Variants in INO80D observed in about 807,000 individuals in gnomAD.
INO80D encodes INO80 complex subunit D.
Under a neutral mutation model 87.6 loss-of-function variants are expected in INO80D, and 21 were observed. That is an observed-to-expected ratio of 0.24 (90% CI 0.17 to 0.35). The LOEUF is 0.35. INO80D is among the 10% of genes least tolerant of loss of function. INO80D has a pLI of 1.00. For missense variants in INO80D, 982 were observed against 1,280.7 expected, an observed-to-expected ratio of 0.77 and a Z score of 3.56; for synonymous variants, 440 against 491.0, an observed-to-expected ratio of 0.90 and a Z score of 1.37.
intron 4 of INO80D, among the ~76,000 whole-genome samples, chr2:206,052,386 G>A (rs1689397564): frequency 1.3e-5 from 2 of 152,008 alleles, no homozygotes; most frequent in East Asian, 3.9e-4. Flanking sequence ...GTAGAGACGG[G>A]GTTTCACCAT....
intron 7 of INO80D, among the ~76,000 whole-genome samples, chr2:206,018,584 C>T (rs1478981786): frequency 1.3e-5 from 2 of 152,176 alleles, no homozygotes; most frequent in Non-Finnish European, 2.9e-5. Context: ...CTTCCAGCAA[C>T]AAACTCAAAC....
At chr2:206,043,923 C>A (rs539776287) in intron 5 of INO80D, among the ~76,000 whole-genome samples, 1 of 152,234 alleles carries the variant, frequency 6.6e-6, no homozygotes, top group South Asian at 2.1e-4. Flanking sequence ...CAGGCATGGT[C>A]GCTCATGCCT....
Position 206,062,495 on chromosome 2 carries a change from T to C in INO80D, c.218+304A>G, listed in dbSNP as rs933421318. On this transcript the variant is annotated intron_variant, in intron 3 of 10. Transcript: ENST00000403263. The surrounding 1 kb of genome is among the most constrained non-coding windows in gnomAD (Gnocchi z 4.6). The stretch of plus-strand genomic sequence containing the variant: ...CGTTTCAAGACTTCAAGCAGCAACT[T>C]TGAGGGAAAAAAAATCTTTTAAAAA... Among the ~76,000 whole-genome samples, 8 of 152,144 alleles carry C rather than the reference T, an allele frequency of 5.3e-5. No individual in the cohort carries two copies. Among genetic ancestry groups the C allele is most frequent in the Admixed American group, 2.6e-4 (4 of 15,266 alleles).
At chr2:206,054,091 C>G (rs958629619) in intron 4 of INO80D, among the ~76,000 whole-genome samples, 1 of 152,126 alleles carries the variant, frequency 6.6e-6, no homozygotes, top group African/African-American at 2.4e-5. Flanking sequence ...TCACCGGCCT[C>G]AGCCTCTCAA....
intron 9 of INO80D, chr2:206,008,057 C>T (rs949735788): frequency 2.0e-5 from 3 of 152,818 alleles, no homozygotes; most frequent in Non-Finnish European, 4.4e-5. Flanking sequence ...TCTCGGCTCA[C>T]TGCAACCTCC....
intron 1 of INO80D, among the ~76,000 whole-genome samples, chr2:206,082,165 C>T (rs1575902160): frequency 1.3e-5 from 2 of 152,318 alleles, no homozygotes; most frequent in South Asian, 4.1e-4. Context: ...GGATTACAGG[C>T]ATACACCACC....
At chr2:206,027,431 G>A (rs1688646752) in intron 6 of INO80D, among the ~76,000 whole-genome samples, 1 of 152,176 alleles carries the variant, frequency 6.6e-6, no homozygotes, top group Non-Finnish European at 1.5e-5. Context: ...AGCTACAGTG[G>A]CTAACACCTC....
chr2:206,031,407 G>A (rs890493953), intron 5 of INO80D, among the ~76,000 whole-genome samples: 1 of 152,156 alleles, frequency 6.6e-6, no homozygotes, highest in South Asian at 2.1e-4. Context: ...CATAGAAAAA[G>A]GAAATGGAGA....
At chr2:206,027,155 C>T (rs1156772390) in intron 6 of INO80D, among the ~76,000 whole-genome samples, 6 of 85,366 alleles carry the variant, frequency 7.0e-5, no homozygotes, top group South Asian at 5.0e-4. Context: ...CGCGCGCACG[C>T]GCACACACAC....
chr2:206,020,930 G>A (rs1278288145), intron 6 of INO80D, among the ~76,000 whole-genome samples: 1 of 152,004 alleles, frequency 6.6e-6, no homozygotes, highest in Non-Finnish European at 1.5e-5. Context: ...GCAGAGGAGG[G>A]CTCCCAAAAT....
intron 3 of INO80D, among the ~76,000 whole-genome samples, chr2:206,061,699 T>A (rs1689694991): frequency 6.6e-6 from 1 of 152,220 alleles, no homozygotes; most frequent in South Asian, 2.1e-4. Context: ...CTATTTGTAC[T>A]CATTTTGGTG....
At chr2:206,037,516 C>T (rs1688924083) in intron 5 of INO80D, among the ~76,000 whole-genome samples, 1 of 152,084 alleles carries the variant, frequency 6.6e-6, no homozygotes, top group African/African-American at 2.4e-5. Flanking sequence ...GCAATTCAAA[C>T]TCAAAAGAAT....
chr2:206,054,032 G>A (rs1020779751), intron 4 of INO80D, among the ~76,000 whole-genome samples: 47 of 152,004 alleles, frequency 3.1e-4, no homozygotes, highest in Middle Eastern at 6.8e-3. Flanking sequence ...TAGAGACAGG[G>A]TTTTGCCATA....
chr2:206,083,674 C>T (rs142697960), intron 1 of INO80D, among the ~76,000 whole-genome samples: 143 of 152,164 alleles, frequency 9.4e-4, no homozygotes, highest in African/African-American at 3.3e-3. Context: ...AGTCTCATTT[C>T]GAAGCCTCAC....
rs371951373 is a variant in INO80D, at chr2:206,046,632, T to C, written c.965-20A>G. On this transcript the variant is annotated intron_variant, in intron 4 of 10. Coordinates refer to ENST00000403263, the MANE Select transcript of INO80D (RefSeq NM_017759.5). Reference sequence around the variant, plus strand: ...CCAAACCTGGGTTAGACAGGAGATATTGCAAATTAGAAAAAGTTTACTTTT... The same window carrying C: ...CCAAACCTGGGTTAGACAGGAGATACTGCAAATTAGAAAAAGTTTACTTTT... 1.2e-5 allele frequency: 18 copies of C among 1,491,536 alleles called. 1 individual carries two copies. Among genetic ancestry groups the C allele is most frequent in the South Asian group, 3.5e-5 (3 of 86,388 alleles). The allele number at this position is 1,491,536 out of a possible 1,614,324, so 92.4% of individuals were successfully genotyped here.
intron 1 of INO80D, among the ~76,000 whole-genome samples, chr2:206,073,879 T>C (rs537205097): frequency 6.6e-6 from 1 of 152,076 alleles, no homozygotes; most frequent in African/African-American, 2.4e-5. Flanking sequence ...TTTGTTTTTG[T>C]TTTTGTTTTT....
chr2:206,054,721 C>T (rs1295194047), intron 4 of INO80D, among the ~76,000 whole-genome samples: 1 of 152,040 alleles, frequency 6.6e-6, no homozygotes, highest in Admixed American at 6.6e-5. Flanking sequence ...ACCATGTTGG[C>T]CAGGCTAGTC....
At chr2:206,076,581 A>T (rs1344913626) in intron 1 of INO80D, among the ~76,000 whole-genome samples, 1 of 152,236 alleles carries the variant, frequency 6.6e-6, no homozygotes, top group Non-Finnish European at 1.5e-5. Flanking sequence ...TATAAACAAC[A>T]TTCATTATAA....
chr2:206,007,590 G>A (rs1688059447), intron 9 of INO80D, 149 bp from the exon 10 acceptor site: 1 of 855,926 alleles, frequency 1.2e-6, no homozygotes, highest in Non-Finnish European at 1.8e-6. Flanking sequence ...GGGAGGCCAA[G>A]GTGAGAGGAT....
Sources: gnomAD v4.1 joint callset for allele counts (sites outside exome capture counted in the v4.1 genomes callset) on GRCh38, gnomAD v4.1.1 for gene constraint, Gnocchi (gnomAD v3.1) non-coding constraint, MANE v1.5 for transcripts, NCBI Gene and HGNC (gene_info 2026-07-23, HGNC 2026-07-21) for gene names.